PPARD: variants seen among roughly 807,000 people sequenced by gnomAD.
PPARD encodes peroxisome proliferator activated receptor delta.
In PPARD, 6 loss-of-function variants were observed where a neutral mutation model predicts 39.5. The observed-to-expected ratio is 0.15, with a 90% CI of 0.08 to 0.30. PPARD has a LOEUF of 0.30. PPARD is among the 10% of genes least tolerant of loss of function. The probability of loss-of-function intolerance (pLI) is 1.00; values close to 1 mark genes in which losing one functional copy is unlikely to be tolerated. For missense variants in PPARD, 397 were observed against 596.8 expected, an observed-to-expected ratio of 0.67 and a Z score of 3.49; for synonymous variants, 210 against 231.3, an observed-to-expected ratio of 0.91 and a Z score of 0.83.
chr6:35,377,869 A>ATTTTTTTTTTTTTTTTTTTTTTTTT (rs1478712456), intron 2 of PPARD, among the ~76,000 whole-genome samples: 1 of 103,088 alleles, frequency 9.7e-6, no homozygotes, highest in African/African-American at 9.4e-5. Context: ...TTGTTTACGT[A>ATTTTTTTTTTTTTTTTTTTTTTTTT]TCTTTTTTTT....
At chr6:35,393,583 G>C (rs1341538513) in intron 2 of PPARD, among the ~76,000 whole-genome samples, 1 of 152,162 alleles carries the variant, frequency 6.6e-6, no homozygotes, top group Non-Finnish European at 1.5e-5. Context: ...TGTTCTTACT[G>C]AGAAGTGGGC....
chr6:35,351,816 C>T (rs908192276), intron 2 of PPARD, among the ~76,000 whole-genome samples: 25 of 151,496 alleles, frequency 1.7e-4, no homozygotes, highest in Non-Finnish European at 1.6e-4. Context: ...TCTGCCTCAG[C>T]CTCCCAAATT....
chr6:35,404,871 C>A (rs542998399), intron 2 of PPARD, among the ~76,000 whole-genome samples: 4 of 152,056 alleles, frequency 2.6e-5, no homozygotes, highest in African/African-American at 9.7e-5. Context: ...CACCTAAGTT[C>A]TCTGAAGGGC....
intron 2 of PPARD, among the ~76,000 whole-genome samples, chr6:35,396,746 C>T (rs1291019538): frequency 6.6e-6 from 1 of 151,954 alleles, no homozygotes; most frequent in Admixed American, 6.6e-5. Context: ...AGGAGAATCG[C>T]TTTAACCCAG....
intron 2 of PPARD, among the ~76,000 whole-genome samples, chr6:35,397,098 A>G (rs1764376423): frequency 6.6e-6 from 1 of 152,044 alleles, no homozygotes; most frequent in Admixed American, 6.6e-5. Flanking sequence ...TCCTGTGAGT[A>G]GGTGCAGGTA....
intron 2 of PPARD, among the ~76,000 whole-genome samples, chr6:35,394,412 A>G (rs1333950373): frequency 2.0e-5 from 3 of 152,194 alleles, no homozygotes; most frequent in East Asian, 1.9e-4. Context: ...ATCTGCTTGT[A>G]AAACCTTTTT....
intron 2 of PPARD, among the ~76,000 whole-genome samples, chr6:35,375,025 C>G (rs1762726953): frequency 6.6e-6 from 1 of 152,070 alleles, no homozygotes; most frequent in South Asian, 2.1e-4. Context: ...TCTCTTCAAC[C>G]TTTTTGTGTC....
At chr6:35,376,220 C>A (rs1581573065) in intron 2 of PPARD, among the ~76,000 whole-genome samples, 1 of 152,196 alleles carries the variant, frequency 6.6e-6, no homozygotes, top group Non-Finnish European at 1.5e-5. Flanking sequence ...ACATTTAATT[C>A]TTTCTTAAGT....
chr6:35,393,016 G>A (rs1437951123), intron 2 of PPARD, among the ~76,000 whole-genome samples: 1 of 152,206 alleles, frequency 6.6e-6, no homozygotes, highest in Non-Finnish European at 1.5e-5. Context: ...CTGAGGATCA[G>A]CCCTCTGAGG....
At chr6:35,416,416 T>G (rs112496754) in intron 3 of PPARD, among the ~76,000 whole-genome samples, 1,584 of 136,232 alleles carry the variant, frequency 0.012, 13 homozygotes, top group Middle Eastern at 0.024. Flanking sequence ...AAAAACACCT[T>G]CTTAGCACAT....
At chr6:35,351,183 G>A (rs1014976805) in intron 2 of PPARD, among the ~76,000 whole-genome samples, 3 of 151,790 alleles carry the variant, frequency 2.0e-5, no homozygotes, top group East Asian at 1.9e-4. Flanking sequence ...CCGCCACCAC[G>A]CCCAGCTAAT....
intron 2 of PPARD, among the ~76,000 whole-genome samples, chr6:35,356,178 T>G (rs1379189075): frequency 6.6e-6 from 1 of 152,162 alleles, no homozygotes; most frequent in Non-Finnish European, 1.5e-5. Flanking sequence ...ATCATGATAC[T>G]AAAAGGTATC....
At chr6:35,398,376 ACT>A (rs1764478751) in intron 2 of PPARD, among the ~76,000 whole-genome samples, 2 of 152,128 alleles carry the variant, frequency 1.3e-5, no homozygotes, top group Non-Finnish European at 2.9e-5. Context: ...AGATTCCTTG[ACT>A]CTAACTTAAA....
chr6:35,415,778 C>CTGTGTG lies in PPARD; in HGVS notation c.131-4329_131-4324dup, dbSNP rs369825175. Reference sequence around the variant, plus strand: ...TCAGGGTTCTCCAGAGAAGGAGAACCTGTGTGTGTGTGTGTGTGTGTGTGT... The same window carrying CTGTGTG: ...TCAGGGTTCTCCAGAGAAGGAGAACCTGTGTGTGTGTGTGTGTGTGTGTGTGTGTGT... On this transcript the variant is annotated intron_variant, in intron 3 of 7. Transcript: ENST00000360694. 4.0e-3 allele frequency among the ~76,000 whole-genome samples: 571 copies of CTGTGTG among 143,852 alleles called. 11 individuals are homozygous for CTGTGTG. The highest frequency in any genetic ancestry group is 0.014 in the African/African-American group (504 of 36,006). The allele number at this position is 143,852 out of a possible 152,430, so 94.4% of individuals were successfully genotyped here.
At chr6:35,344,524 G>A (rs995921263) in intron 1 of PPARD, among the ~76,000 whole-genome samples, 4 of 151,954 alleles carry the variant, frequency 2.6e-5, no homozygotes, top group Non-Finnish European at 4.4e-5. Flanking sequence ...TTTATTTGGC[G>A]TTGGTTCTCT....
intron 2 of PPARD, among the ~76,000 whole-genome samples, chr6:35,350,027 C>T (rs1761142293): frequency 6.6e-6 from 1 of 152,232 alleles, no homozygotes; most frequent in South Asian, 2.1e-4. Context: ...CAGGCATGAG[C>T]TACCACACCC....
chr6:35,409,522 A>AAG (rs1445181827), intron 2 of PPARD, among the ~76,000 whole-genome samples: 9 of 144,328 alleles, frequency 6.2e-5, no homozygotes, highest in African/African-American at 2.2e-4. Context: ...TAACAACAAC[A>AAG]ACAAAAAAAC....
intron 2 of PPARD, among the ~76,000 whole-genome samples, chr6:35,407,156 A>G (rs1426083141): frequency 6.6e-6 from 1 of 152,172 alleles, no homozygotes; most frequent in Non-Finnish European, 1.5e-5. Context: ...TGTCAAGTAT[A>G]TATACCAGGC....
In PPARD at chr6:35,347,605, T is replaced by A. The variant is rs560905198; in HGVS notation, c.-102+455T>A. Among the ~76,000 whole-genome samples the A allele has an allele frequency of 4.0e-5, 6 of 149,700 alleles. No homozygotes were observed. The South Asian group carries it at 8.5e-4, about 21-fold the overall frequency. ...GGCAAATATATATATATATATATAT[T>A]TTGTTTGTTTGTTTGTTTTTGAGAC... On this transcript the variant is annotated intron_variant, in intron 2 of 7. Transcript: ENST00000360694.
Sources: allele counts gnomAD v4.1 joint callset (sites outside exome capture counted in the v4.1 genomes callset), GRCh38; gene constraint gnomAD v4.1.1; transcripts MANE v1.5; gene names NCBI Gene and HGNC (gene_info 2026-07-23, HGNC 2026-07-21).